Variants in SLCO1B3 observed in about 807,000 individuals in gnomAD.
SLCO1B3 encodes the protein liver-specific organic anion transporter 2.
SLCO1B3 carries 72 observed loss-of-function variants against 71.8 expected under a neutral mutation model. That is an observed-to-expected ratio of 1.00 (90% CI 0.83 to 1.22). The LOEUF (loss-of-function observed/expected upper bound fraction) is 1.22. SLCO1B3 is among the 50% of genes most tolerant of loss of function. The probability of loss-of-function intolerance (pLI) is 0.00; values close to 1 mark genes in which losing one functional copy is unlikely to be tolerated. For missense variants in SLCO1B3, 911 were observed against 819.7 expected, an observed-to-expected ratio of 1.11 and a Z score of -1.36; for synonymous variants, 298 against 278.4, an observed-to-expected ratio of 1.07 and a Z score of -0.70.
At chr12:20,899,588 C>G (rs1025437826) in intron 14 of SLCO1B3, among the ~76,000 whole-genome samples, 33 of 152,152 alleles carry the variant, frequency 2.2e-4, no homozygotes, top group African/African-American at 6.8e-4. Context: ...GGTTGCATTG[C>G]CTCCATCCTA....
chr12:20,896,177 A>AT (rs1362128819), intron 13 of SLCO1B3, among the ~76,000 whole-genome samples: 26 of 150,062 alleles, frequency 1.7e-4, no homozygotes, highest in Non-Finnish European at 1.0e-4. Flanking sequence ...TCCTAAAGAC[A>AT]TTTTCCCCAT....
chr12:20,885,681 G>C (rs1417054605), intron 13 of SLCO1B3, among the ~76,000 whole-genome samples: 3 of 151,894 alleles, frequency 2.0e-5, no homozygotes, highest in African/African-American at 4.8e-5. Context: ...GCAAGGTAGA[G>C]CAAAGACAAA....
chr12:20,829,468 C>T (rs552762357), intron 3 of SLCO1B3, among the ~76,000 whole-genome samples: 7 of 152,306 alleles, frequency 4.6e-5, no homozygotes, highest in African/African-American at 1.4e-4. Context: ...GCAAGTGAAA[C>T]TCCAGAAAAG....
At chr12:20,865,908 A>G (rs1331561790) in intron 8 of SLCO1B3, among the ~76,000 whole-genome samples, 2 of 152,108 alleles carry the variant, frequency 1.3e-5, no homozygotes, top group Non-Finnish European at 2.9e-5. Flanking sequence ...TCACTGCTGT[A>G]AAAATTCTGT....
intron 15 of SLCO1B3, among the ~76,000 whole-genome samples, chr12:20,907,238 A>G (rs1866264562): frequency 6.6e-6 from 1 of 152,184 alleles, no homozygotes; most frequent in Non-Finnish European, 1.5e-5. Context: ...CTTCTACCTG[A>G]TGTGTAAATT....
Position 20,869,012 on chromosome 12 carries a change from G to A in SLCO1B3, c.727+6158G>A, listed in dbSNP as rs546436550. Among the ~76,000 whole-genome samples, 18 of 152,148 alleles carry A rather than the reference G, an allele frequency of 1.2e-4. No individual in the cohort carries two copies. The East Asian group carries it at 1.7e-3, about 15-fold the overall frequency. ...AGTGTACAGGATGGAACATGAAGGC[G>A]GACTAGGAACGTGACCACTGAAGCA... is the stretch of plus-strand genomic sequence containing the variant. On this transcript the variant is annotated intron_variant, in intron 8 of 15. Transcript: ENST00000381545.
At chr12:20,884,408 A>G (rs893118836) in intron 13 of SLCO1B3, among the ~76,000 whole-genome samples, 4 of 152,318 alleles carry the variant, frequency 2.6e-5, no homozygotes, top group East Asian at 1.9e-4. Context: ...AAGTGACATT[A>G]TATCTAAAGA....
chr12:20,891,431 C>T (rs1865901665), intron 13 of SLCO1B3, among the ~76,000 whole-genome samples: 4 of 151,778 alleles, frequency 2.6e-5, no homozygotes, highest in Admixed American at 2.6e-4. Context: ...AATTAGATAC[C>T]TCTCTCTTGC....
chr12:20,815,669 A>G lies in SLCO1B3; in HGVS notation c.-65-5A>G, dbSNP rs1864179070. The G allele has an allele frequency of 2.0e-6, 2 of 1,001,622 alleles. No individual in the cohort carries two copies. The highest frequency in any genetic ancestry group is 3.1e-6 in the Non-Finnish European group (2 of 651,322). The allele number at this position is 1,001,622 out of a possible 1,614,324, so 62.0% of individuals were successfully genotyped here. A position where few individuals can be genotyped will look rare whatever the true frequency, so the allele number is the denominator to read the frequency against. On this transcript the variant is annotated splice_polypyrimidine_tract_variant and splice_region_variant and intron_variant, in intron 2 of 15. Transcript: ENST00000381545. ...AAATAAATTATACTTTTTCTTTTTT[A>G]ACAGGTGATCATTTCAAACCAAGCA...
intron 2 of SLCO1B3, among the ~76,000 whole-genome samples, chr12:20,814,795 G>T (rs1565574628): frequency 6.6e-6 from 1 of 151,802 alleles, no homozygotes; most frequent in Admixed American, 6.6e-5. Flanking sequence ...TACTCAGGAG[G>T]CTGAGGCAGG....
At chr12:20,852,595 A>G (rs965349839) in intron 3 of SLCO1B3, among the ~76,000 whole-genome samples, 4 of 152,190 alleles carry the variant, frequency 2.6e-5, no homozygotes, top group Admixed American at 6.5e-5. Flanking sequence ...AATGTTTCCC[A>G]TTTATTTGTG....
At chr12:20,883,945 G>A (rs1400533492) in intron 13 of SLCO1B3, among the ~76,000 whole-genome samples, 3 of 152,128 alleles carry the variant, frequency 2.0e-5, no homozygotes, top group Non-Finnish European at 1.5e-5. Flanking sequence ...CCAGTTAAGA[G>A]TAAATCATCT....
intron 3 of SLCO1B3, among the ~76,000 whole-genome samples, chr12:20,849,942 A>C (rs1304455197): frequency 6.6e-6 from 1 of 151,912 alleles, no homozygotes; most frequent in African/African-American, 2.4e-5. Context: ...TCCAGTGTTT[A>C]TAGATTATAA....
At position 20,815,762 on chromosome 12, in the gene SLCO1B3, T is replaced by C; in HGVS notation, c.24T>C (p.Asn8=). The change falls in exon 3 of 16, where the codon AAT becomes AAC. Residue 8 remains asparagine, a synonymous_variant. Transcript: ENST00000381545. The part of the protein sequence containing the change: MDQHQHL[N]KTAESASSEK... ...TAATGGACCAACATCAACATTTGAA[T>C]AAAACAGCAGAGTCAGCATCTTCAG... The C allele has an allele frequency of 6.3e-7, 1 of 1,597,508 alleles. No homozygotes were observed. Among genetic ancestry groups the C allele is most frequent in the Non-Finnish European group, 8.5e-7 (1 of 1,170,186 alleles).
Position 20,877,868 on chromosome 12 carries a change from T to C in SLCO1B3, c.1067T>C (p.Phe356Ser). The C allele has an allele frequency of 6.3e-7, 1 of 1,592,948 alleles. No homozygotes were observed. The highest frequency in any genetic ancestry group is 1.8e-5 in the Admixed American group (1 of 56,264). Residue 356 changes from phenylalanine (F) to serine (S), a missense_variant, in exon 10 of 16, where the codon TTT becomes TCT. By Grantham distance (155) the Phe-to-Ser change is radical. Coordinates refer to ENST00000381545, the MANE Select transcript of SLCO1B3 (RefSeq NM_019844.4). The stretch of plus-strand genomic sequence containing the variant: ...CAAGTAAGCAGCTTTATTGGTTCTT[T>C]TACTTACGTCTTTAAATATATGGAG... ...LLQVSSFIGS[F>S]TYVFKYMEQQ...
chr12:20,848,616 CTG>C (rs1343034300), intron 3 of SLCO1B3, among the ~76,000 whole-genome samples: 1 of 152,064 alleles, frequency 6.6e-6, no homozygotes, highest in African/African-American at 2.4e-5. Context: ...GGTAAAGAAA[CTG>C]TGATACAGTC....
At chr12:20,862,360 A>C in intron 6 of SLCO1B3, 52 bp from the exon 7 acceptor site, 1 of 1,521,116 alleles carries the variant, frequency 6.6e-7, no homozygotes. Context: ...TAAATTTCTA[A>C]TAGGAATGTT....
chr12:20,814,011 A>C (rs77714247), intron 2 of SLCO1B3, among the ~76,000 whole-genome samples: 2,966 of 152,270 alleles, frequency 0.019, 44 homozygotes, highest in Non-Finnish European at 0.032. Context: ...AGATATTTAC[A>C]TATCTAAGGT....
chr12:20,845,153 C>T (rs934514449), intron 3 of SLCO1B3: 4 of 461,820 alleles, frequency 8.7e-6, no homozygotes, highest in African/African-American at 4.1e-5. Flanking sequence ...ATTGAGCTCA[C>T]CGGGCTGATT....
Sources: gnomAD v4.1 joint callset for allele counts (sites outside exome capture counted in the v4.1 genomes callset) on GRCh38, gnomAD v4.1.1 for gene constraint, MANE v1.5 for transcripts, NCBI Gene and HGNC (gene_info 2026-07-23, HGNC 2026-07-21) for gene names.